PELI3: variants seen among roughly 807,000 people sequenced by gnomAD.
The protein encoded by PELI3 is pellino E3 ubiquitin protein ligase family member 3, also known as E3 ubiquitin-protein ligase pellino homolog 3.
Under a neutral mutation model 35.5 loss-of-function variants are expected in PELI3, and 19 were observed. The observed-to-expected ratio is 0.54, with a 90% CI of 0.37 to 0.79. PELI3 has a LOEUF of 0.79. Ranked by LOEUF, PELI3 falls within the 30% of genes least tolerant of loss-of-function variation. PELI3 has a pLI of 0.00. For synonymous variants in PELI3, 262 were observed against 279.2 expected, an observed-to-expected ratio of 0.94 and a Z score of 0.62; for missense variants, 490 against 661.2, an observed-to-expected ratio of 0.74 and a Z score of 2.84.
intron 3 of PELI3, among the ~76,000 whole-genome samples, chr11:66,469,323 C>T (rs983047027): frequency 2.6e-5 from 4 of 151,112 alleles, no homozygotes; most frequent in African/African-American, 7.3e-5. Context: ...CTGTGCCAAG[C>T]GCTTTTAAAT....
chr11:66,472,408 C>T lies in PELI3; in HGVS notation c.394C>T (p.Leu132=), dbSNP rs770973965. 48 of 1,614,044 alleles carry T rather than the reference C, an allele frequency of 3.0e-5. No homozygotes were observed. The South Asian group carries it at 4.7e-4, about 16-fold the overall frequency. The change falls in exon 5 of 8, where the codon CTG becomes TTG. Residue 132 remains leucine, a synonymous_variant. Coordinates refer to ENST00000320740, the MANE Select transcript of PELI3 (RefSeq NM_145065.3). ...NRGQHSISYT[L]SRSHSVIVEY... is the part of the protein sequence containing the mutation. ...TGGTCAGCACAGCATCTCGTATACA[C>T]TGTCCCGGAGCCACTCGGTCATAGT...
Position 66,476,154 on chromosome 11 carries a change from G to T in PELI3, c.1397G>T (p.Gly466Val). ...GGCTGCGTCCGCCTCATTTTCCAGG[G>T]CCCGCTGGATTAGGCTCCCTGGGGC... ...EHGCVRLIFQ[G>V]PLD Residue 466 changes from glycine (G) to valine (V), a missense_variant, in exon 8 of 8, where the codon GGC becomes GTC. This residue lies in a region of PELI3 where 349 missense variants were observed against 484.8 expected (regional missense o/e 0.72). Transcript: ENST00000320740. 6.4e-7 allele frequency: 1 copy of T among 1,554,490 alleles called. No individual in the cohort carries two copies. Among genetic ancestry groups the T allele is most frequent in the Non-Finnish European group, 8.7e-7 (1 of 1,155,900 alleles).
intron 4 of PELI3, among the ~76,000 whole-genome samples, chr11:66,471,744 C>T (rs568575121): frequency 2.0e-5 from 3 of 152,084 alleles, no homozygotes; most frequent in African/African-American, 7.2e-5. Context: ...AAAGGAAAAA[C>T]CTTTGACTTT....
chr11:66,469,135 TC>T (rs1357784969), intron 3 of PELI3, among the ~76,000 whole-genome samples: 1 of 151,484 alleles, frequency 6.6e-6, no homozygotes, highest in East Asian at 1.9e-4. Flanking sequence ...CTCTTCCTCC[TC>T]CCCCATCTGG....
chr11:66,468,015 G>A, intron 1 of PELI3, 113 bp from the exon 2 acceptor site: 1 of 1,324,316 alleles, frequency 7.6e-7, no homozygotes, highest in Non-Finnish European at 1.0e-6. Flanking sequence ...CAGTAGAGGC[G>A]GTGAAAGGTC....
rs1854783021 is a variant in PELI3, at chr11:66,473,266, T to C, written c.482T>C (p.Ile161Thr). ...FQIGRSTENMIDFVVTDTSPG... is the reference protein window; with the variant it reads ...FQIGRSTENMTDFVVTDTSPG... ...ATTGGCCGCTCCACAGAGAACATGA[T>C]TGACTTCGTGGTAACAGACACGTCC... Residue 161 changes from isoleucine (I) to threonine (T), a missense_variant, in exon 6 of 8, where the codon ATT becomes ACT. By Grantham distance (89) the Ile-to-Thr change is moderately conservative (BLOSUM62 -1). Coordinates refer to ENST00000320740, the MANE Select transcript of PELI3 (RefSeq NM_145065.3). This position sits in a 1 kb window ranked among gnomAD's most constrained non-coding sequence, Gnocchi z 5.8. 1.2e-6 allele frequency: 2 copies of C among 1,612,702 alleles called. No individual in the cohort carries two copies. Among genetic ancestry groups the C allele is most frequent in the South Asian group, 1.1e-5 (1 of 91,016 alleles).
upstream of PELI3, chr11:66,466,808 G>T (rs1854540171): frequency 6.6e-6 from 1 of 151,830 alleles, no homozygotes; most frequent in Non-Finnish European, 1.5e-5. Context: ...CTGGAGCGAG[G>T]CGGAGCTCTC....
intron 1 of PELI3, 101 bp from the exon 2 acceptor site, chr11:66,468,027 C>G: frequency 7.1e-7 from 1 of 1,415,882 alleles, no homozygotes. Flanking sequence ...TGAAAGGTCA[C>G]CCTTGCCTTA....
At position 66,475,904 on chromosome 11, in the gene PELI3, G is replaced by C; in HGVS notation, c.1147G>C (p.Glu383Gln). Residue 383 changes from glutamate (E) to glutamine (Q), a missense_variant, in exon 8 of 8, where the codon GAA becomes CAA. By Grantham distance (29) the Glu-to-Gln change is conservative. Transcript: ENST00000320740. ...GCGGGAGCGGGGCCCCCAGGAGCGC[G>C]AATGTCCTCTCTGCCGCCTTGTGGG... ...CRRERGPQER[E>Q]CPLCRLVGPY... is the part of the protein sequence containing the mutation. The C allele has an allele frequency of 6.2e-7, 1 of 1,609,430 alleles. No individual in the cohort carries two copies. Among genetic ancestry groups the C allele is most frequent in the South Asian group, 1.1e-5 (1 of 90,874 alleles).
At position 66,472,320 on chromosome 11, in the gene PELI3, A is replaced by C. The variant is rs762802346; in HGVS notation, c.355-49A>C. On this transcript the variant is annotated intron_variant, in intron 4 of 7. Transcript: ENST00000320740. ...CTCCAGGTGCTTGCTCAAGGCATAC[A>C]CTTATCATGGCTGCACACCCTGGCA... 2.7e-6 allele frequency: 4 copies of C among 1,477,232 alleles called. No individual in the cohort carries two copies. The South Asian group carries it at 3.4e-5, about 13-fold the overall frequency. 91.5% of individuals were successfully genotyped at this position (1,477,232 alleles called of 1,614,324 possible). A position where few individuals can be genotyped will look rare whatever the true frequency, so the allele number is the denominator to read the frequency against.
chr11:66,468,023 G>T, intron 1 of PELI3, 105 bp from the exon 2 acceptor site: 1 of 1,386,064 alleles, frequency 7.2e-7, no homozygotes. Context: ...GCGGTGAAAG[G>T]TCACCCTTGC....
chr11:66,476,272 C>A lies in PELI3; in HGVS notation c.*105C>A. 1.1e-5 allele frequency: 13 copies of A among 1,224,634 alleles called. No individual in the cohort carries two copies. The highest frequency in any genetic ancestry group is 1.4e-5 in the Non-Finnish European group (13 of 899,172). 75.9% of individuals were successfully genotyped at this position (1,224,634 alleles called of 1,614,324 possible). ...GTGGGACACTCCCTGCTGGCACAGC[C>A]ACACCAGATGGACATGTTGGATGGG... On this transcript the variant is annotated 3_prime_UTR_variant, in exon 8 of 8. Transcript: ENST00000320740.
rs1854947208 is a variant in PELI3, at chr11:66,477,099, G to C, written c.*932G>C. On this transcript the variant is annotated 3_prime_UTR_variant, in exon 8 of 8. Coordinates refer to ENST00000320740, the MANE Select transcript of PELI3 (RefSeq NM_145065.3). ...CAGGATGGCTGGAGCATGGACTGCG[G>C]GGGGAACAGAGAAGGGGGTGGAGCA... 3 of 152,648 alleles carry C rather than the reference G, an allele frequency of 2.0e-5. No homozygotes were observed. The highest frequency in any genetic ancestry group is 1.3e-4 in the Admixed American group (2 of 15,232). The allele number at this position is 152,648 out of a possible 1,614,324, so 9.5% of individuals were successfully genotyped here.
chr11:66,472,298 C>A, intron 4 of PELI3, 71 bp from the exon 5 acceptor site: 1 of 1,196,636 alleles, frequency 8.4e-7, no homozygotes, highest in Non-Finnish European at 1.2e-6. Flanking sequence ...CCTTGAGCTC[C>A]AGGTGCTTGC....
rs759637070 is a variant in PELI3 at position 66,473,968 on chromosome 11, C to T, written c.840+43C>T. ...TTCCCCACCCCTATCCTTGCCAGGC[C>T]CTCACAAGCTGCCCATCCCCCTGCC... On this transcript the variant is annotated intron_variant, in intron 7 of 7. Transcript: ENST00000320740. The surrounding 1 kb of genome is among the most constrained non-coding windows in gnomAD (Gnocchi z 5.8). 5.6e-6 allele frequency: 9 copies of T among 1,605,334 alleles called. No individual in the cohort carries two copies.
At chr11:66,474,050 A>G in intron 7 of PELI3, 125 bp downstream of exon 7, 5 of 1,255,964 alleles carry the variant, frequency 4.0e-6, no homozygotes, top group Non-Finnish European at 2.2e-6. Context: ...CAGGCTCCAT[A>G]TCAGGGAATC....
At chr11:66,472,614 G>C (rs1275588976) in intron 5 of PELI3, 144 bp downstream of exon 5, 31 of 653,130 alleles carry the variant, frequency 4.7e-5, no homozygotes, top group Non-Finnish European at 4.6e-5. Context: ...GTGGGCTGTT[G>C]ACTGCAGAGT....
In PELI3 at chr11:66,475,590, T is replaced by C. The variant is rs200001809; in HGVS notation, c.841-8T>C. 5.1e-4 allele frequency: 824 copies of C among 1,611,778 alleles called. 3 individuals are homozygous for C. In the African/African-American group the frequency reaches 9.0e-3, roughly 18 times the overall value. ...TGGGCAGTAAGGCCCTTCTACTGCC[T>C]CTGGCAGGTGGAAAACGAGTCCAAC... On this transcript the variant is annotated splice_polypyrimidine_tract_variant and splice_region_variant and intron_variant, in intron 7 of 7. Transcript: ENST00000320740.
Position 66,475,816 on chromosome 11 carries a change from A to G in PELI3, c.1059A>G (p.Lys353=). Residue 353 remains lysine, a synonymous_variant, in exon 8 of 8, where the codon AAA becomes AAG. Coordinates refer to ENST00000320740, the MANE Select transcript of PELI3 (RefSeq NM_145065.3). The stretch of plus-strand genomic sequence containing the variant: ...CCCGTGGCCGCACAGCGCCCGACAA[A>G]CAGCAGCCCTGGGTCTACGTCCGCT... ...SPARGRTAPD[K]QQPWVYVRCG... The G allele has an allele frequency of 1.2e-6, 2 of 1,608,224 alleles. No homozygotes were observed. The highest frequency in any genetic ancestry group is 1.7e-6 in the Non-Finnish European group (2 of 1,178,282).
Sources: allele counts gnomAD v4.1 joint callset (sites outside exome capture counted in the v4.1 genomes callset), GRCh38; gene constraint gnomAD v4.1.1; regional missense constraint gnomAD v4.1.1; non-coding constraint Gnocchi (gnomAD v3.1); transcripts MANE v1.5; gene names NCBI Gene and HGNC (gene_info 2026-07-23, HGNC 2026-07-21).